NXPH1: variants seen among roughly 807,000 people sequenced by gnomAD.
NXPH1 encodes neurexophilin 1, also known as neurexophilin-1.
Under a neutral mutation model 23.7 loss-of-function variants are expected in NXPH1, and 5 were observed. That is an observed-to-expected ratio of 0.21 (90% CI 0.11 to 0.44). The LOEUF (loss-of-function observed/expected upper bound fraction) is 0.44. Among genes scored for constraint, NXPH1 ranks in the 20% least tolerant of loss-of-function variants. The pLI, the probability that NXPH1 is intolerant of heterozygous loss-of-function variation, is 0.99. For missense variants in NXPH1, 324 were observed against 321.6 expected, an observed-to-expected ratio of 1.01 and a Z score of -0.06; for synonymous variants, 144 against 122.2, an observed-to-expected ratio of 1.18 and a Z score of -1.18.
intron 2 of NXPH1, among the ~76,000 whole-genome samples, chr7:8,473,264 A>G (rs1182715311): frequency 6.6e-6 from 1 of 152,158 alleles, no homozygotes; most frequent in East Asian, 1.9e-4. Context: ...AGGCTTGAAA[A>G]TCATTGACAA....
intron 2 of NXPH1, among the ~76,000 whole-genome samples, chr7:8,637,216 G>A (rs1034406507): frequency 6.6e-6 from 1 of 150,860 alleles, no homozygotes; most frequent in African/African-American, 2.4e-5. Context: ...CTCACTGCTG[G>A]GACTGACTCT....
chr7:8,462,681 C>T (rs940004853), intron 2 of NXPH1, among the ~76,000 whole-genome samples: 4 of 152,242 alleles, frequency 2.6e-5, no homozygotes, highest in Middle Eastern at 3.4e-3. Context: ...ATGCTGATCC[C>T]ACAATGTATA....
rs140049424 is a variant in NXPH1, at chr7:8,598,217, C to T, written c.55-152791C>T. ...AAATTGTTCAATTATTTTCTCCCAG[C>T]GTCTAAGCAGCTATCCTCAAAGGGA... On this transcript the variant is annotated intron_variant, in intron 2 of 2. Transcript: ENST00000405863. 2.8e-3 allele frequency among the ~76,000 whole-genome samples: 424 copies of T among 152,184 alleles called. 1 individual carries two copies. Among genetic ancestry groups the T allele is most frequent in the Admixed American group, 4.4e-3 (67 of 15,274 alleles).
At chr7:8,485,465 G>A (rs1039362663) in intron 2 of NXPH1, among the ~76,000 whole-genome samples, 20 of 152,150 alleles carry the variant, frequency 1.3e-4, no homozygotes, top group South Asian at 1.2e-3. Flanking sequence ...GGTCTTGTTC[G>A]TGGATATCTC....
chr7:8,593,879 T>C (rs1819158474), intron 2 of NXPH1, among the ~76,000 whole-genome samples: 1 of 152,102 alleles, frequency 6.6e-6, no homozygotes, highest in Non-Finnish European at 1.5e-5. Context: ...TTGGTAAAAA[T>C]ATATTTAAAG....
chr7:8,653,508 C>G lies in NXPH1; in HGVS notation c.55-97500C>G, dbSNP rs577315933. On this transcript the variant is annotated intron_variant, in intron 2 of 2. Coordinates refer to ENST00000405863, the MANE Select transcript of NXPH1 (RefSeq NM_152745.3). ...GACTCTGGTACAAATGACTTTAAAC[C>G]CTTTTGTATATATGTAATCATCCAA... Among the ~76,000 whole-genome samples, 5 of 152,090 alleles carry G rather than the reference C, an allele frequency of 3.3e-5. No homozygotes were observed. The East Asian group carries it at 5.8e-4, about 18-fold the overall frequency.
In NXPH1 at chr7:8,473,575, CA is replaced by C. The variant is rs35440029; in HGVS notation, c.54+37809del. 4.3e-3 allele frequency among the ~76,000 whole-genome samples: 661 copies of C among 152,224 alleles called. 3 individuals are homozygous for C. Among genetic ancestry groups the C allele is most frequent in the South Asian group, 9.3e-3 (45 of 4,824 alleles). On this transcript the variant is annotated intron_variant, in intron 2 of 2. Transcript: ENST00000405863. ...TTATTGTACTGTATTATCAGTTCAA[CA>C]TCTTTTCGCTCCCACACAAACTTTT... is the stretch of plus-strand genomic sequence containing the variant.
chr7:8,673,120 C>G (rs564012990), intron 2 of NXPH1, among the ~76,000 whole-genome samples: 277 of 152,206 alleles, frequency 1.8e-3, no homozygotes, highest in African/African-American at 6.1e-3. Context: ...CATTATTGCT[C>G]TATTTTCATA....
chr7:8,634,548 G>T (rs1820186709), intron 2 of NXPH1, among the ~76,000 whole-genome samples: 2 of 151,658 alleles, frequency 1.3e-5, no homozygotes, highest in Non-Finnish European at 2.9e-5. Flanking sequence ...TCATCTGAGT[G>T]TTTCAGGCCT....
chr7:8,489,346 G>A (rs2040892), intron 2 of NXPH1, among the ~76,000 whole-genome samples: 2 of 152,034 alleles, frequency 1.3e-5, no homozygotes, highest in African/African-American at 2.4e-5. Flanking sequence ...TCCAGTTCCA[G>A]AAAATTCTGG....
chr7:8,688,001 C>A (rs756226699), intron 2 of NXPH1, among the ~76,000 whole-genome samples: 6 of 152,016 alleles, frequency 3.9e-5, no homozygotes, highest in Non-Finnish European at 8.8e-5. Context: ...CTTAGTCAAA[C>A]CTTTTTTATG....
At chr7:8,461,596 C>T (rs1203253529) in intron 2 of NXPH1, among the ~76,000 whole-genome samples, 8 of 150,406 alleles carry the variant, frequency 5.3e-5, no homozygotes, top group African/African-American at 2.5e-5. Flanking sequence ...TTTGGGAGGC[C>T]GAGGCGGGTG....
intron 2 of NXPH1, among the ~76,000 whole-genome samples, chr7:8,602,067 A>G (rs1819374681): frequency 6.6e-6 from 1 of 152,226 alleles, no homozygotes; most frequent in African/African-American, 2.4e-5. Flanking sequence ...ATATCAGAAA[A>G]GTACACAACT....
At chr7:8,554,786 G>C (rs531576042) in intron 2 of NXPH1, among the ~76,000 whole-genome samples, 3 of 151,798 alleles carry the variant, frequency 2.0e-5, no homozygotes, top group East Asian at 2.0e-4. Flanking sequence ...CACCAGAACA[G>C]TTACGTTTGT....
chr7:8,469,188 C>G lies in NXPH1; in HGVS notation c.54+33421C>G, dbSNP rs890956773. Among the ~76,000 whole-genome samples, 22 of 151,774 alleles carry G rather than the reference C, an allele frequency of 1.4e-4. No individual in the cohort carries two copies. The East Asian group carries it at 3.1e-3, about 21-fold the overall frequency. On this transcript the variant is annotated intron_variant, in intron 2 of 2. Coordinates refer to ENST00000405863, the MANE Select transcript of NXPH1 (RefSeq NM_152745.3). The stretch of plus-strand genomic sequence containing the variant: ...GAATGTTATTTTTTTAAAAAAGTAC[C>G]ATTATAGTGATTTTTTTGGGAAATT...
At chr7:8,665,301 T>C (rs530104585) in intron 2 of NXPH1, among the ~76,000 whole-genome samples, 1 of 152,236 alleles carries the variant, frequency 6.6e-6, no homozygotes, top group South Asian at 2.1e-4. Flanking sequence ...TGTGTGTTCT[T>C]GGCACATTTA....
chr7:8,518,922 A>ATT, intron 2 of NXPH1, among the ~76,000 whole-genome samples: 1 of 147,562 alleles, frequency 6.8e-6, no homozygotes, highest in Non-Finnish European at 1.5e-5. Context: ...TCCCCTGTTC[A>ATT]TTTTTTTTTT....
intron 2 of NXPH1, among the ~76,000 whole-genome samples, chr7:8,724,400 A>G (rs1388045278): frequency 8.5e-5 from 13 of 152,206 alleles, no homozygotes; most frequent in Admixed American, 8.5e-4. Context: ...AGGAGAGGAA[A>G]GTCTTCCCCA....
At chr7:8,712,691 C>G (rs1156778054) in intron 2 of NXPH1, among the ~76,000 whole-genome samples, 1 of 152,140 alleles carries the variant, frequency 6.6e-6, no homozygotes, top group African/African-American at 2.4e-5. Context: ...TTATGTCAGC[C>G]CCATGGGTTG....
Sources: gnomAD v4.1 joint callset for allele counts (sites outside exome capture counted in the v4.1 genomes callset) on GRCh38, gnomAD v4.1.1 for gene constraint, MANE v1.5 for transcripts, NCBI Gene and HGNC (gene_info 2026-07-23, HGNC 2026-07-21) for gene names.